PRH1: variants seen among roughly 807,000 people sequenced by gnomAD.
PRH1 encodes the protein salivary acidic proline-rich phosphoprotein 1/2.
A neutral mutation model predicts 7.9 loss-of-function variants in PRH1; 7 were observed. The observed-to-expected ratio is 0.89, with a 90% CI of 0.50 to 1.67. The LOEUF is 1.67. Ranked by LOEUF, PRH1 falls within the 40% of genes most tolerant of loss-of-function variation. The probability of loss-of-function intolerance (pLI) is 0.00; values close to 1 mark genes in which losing one functional copy is unlikely to be tolerated. For missense variants in PRH1, 109 were observed against 223.6 expected, an observed-to-expected ratio of 0.49 and a Z score of 3.27; for synonymous variants, 45 against 80.8, an observed-to-expected ratio of 0.56 and a Z score of 2.38.
At chr12:10,951,309 A>G (rs1937656441) in intron 2 of PRH1, among the ~76,000 whole-genome samples, 1 of 152,166 alleles carries the variant, frequency 6.6e-6, no homozygotes, top group South Asian at 2.1e-4. Flanking sequence ...TTTTAAACCC[A>G]ATACATAGAT....
At chr12:11,063,489 C>T (rs995315634) in intron 1 of PRH1, among the ~76,000 whole-genome samples, 1 of 152,110 alleles carries the variant, frequency 6.6e-6, no homozygotes, top group Non-Finnish European at 1.5e-5. Context: ...ACTCTAACTA[C>T]TACCAAGATT....
At chr12:11,098,713 A>G (rs1287359838) in intron 1 of PRH1, among the ~76,000 whole-genome samples, 6 of 152,238 alleles carry the variant, frequency 3.9e-5, no homozygotes, top group Non-Finnish European at 2.9e-5. Flanking sequence ...TGCTTTTATC[A>G]AAAGCATCTA....
chr12:10,932,456 C>T (rs1950227749), intron 2 of PRH1: 2 of 189,690 alleles, frequency 1.1e-5, no homozygotes, highest in Non-Finnish European at 2.3e-5. Context: ...CTTATTAAGT[C>T]ATCTGCCTGG....
chr12:11,059,160 T>C (rs527831005), intron 1 of PRH1, among the ~76,000 whole-genome samples: 18 of 152,256 alleles, frequency 1.2e-4, no homozygotes, highest in Admixed American at 7.2e-4. Context: ...TTCTCCATTC[T>C]CCCTCCTCTC....
intron 2 of PRH1, among the ~76,000 whole-genome samples, chr12:10,960,631 T>C (rs1257935616): frequency 1.3e-5 from 2 of 152,222 alleles, no homozygotes; most frequent in Non-Finnish European, 1.5e-5. Context: ...TTCAGTTTAA[T>C]TGGCATTTTG....
At chr12:11,071,631 C>T (rs1944074176) in intron 1 of PRH1, among the ~76,000 whole-genome samples, 1 of 152,162 alleles carries the variant, frequency 6.6e-6, no homozygotes, top group African/African-American at 2.4e-5. Flanking sequence ...GGTGTTGACT[C>T]AAAGTTTTTG....
chr12:11,123,013 T>C (rs1945964205), intron 1 of PRH1, among the ~76,000 whole-genome samples: 1 of 151,450 alleles, frequency 6.6e-6, no homozygotes, highest in Non-Finnish European at 1.5e-5. Context: ...TTCTTTGTAC[T>C]TTACGAACAA....
chr12:10,934,642 A>G (rs912817754), intron 2 of PRH1, among the ~76,000 whole-genome samples: 3 of 152,068 alleles, frequency 2.0e-5, no homozygotes, highest in Non-Finnish European at 4.4e-5. Flanking sequence ...TATAGGCTCA[A>G]TATGAAAGTA....
intron 1 of PRH1, among the ~76,000 whole-genome samples, chr12:11,124,174 C>T (rs995145464): frequency 1.2e-4 from 19 of 152,232 alleles, no homozygotes; most frequent in African/African-American, 4.3e-4. Flanking sequence ...CACAAGGAAA[C>T]TCAATGAGTA....
chr12:10,933,536 G>A (rs1179110830), intron 2 of PRH1, among the ~76,000 whole-genome samples: 1 of 151,870 alleles, frequency 6.6e-6, no homozygotes, highest in Non-Finnish European at 1.5e-5. Context: ...TGACCAAGCA[G>A]ACTTGATTCC....
At chr12:11,060,182 CTG>C (rs1368660895) in intron 1 of PRH1, among the ~76,000 whole-genome samples, 1 of 152,102 alleles carries the variant, frequency 6.6e-6, no homozygotes, top group African/African-American at 2.4e-5. Flanking sequence ...GTGAACAAGA[CTG>C]TACATTTCCA....
intron 1 of PRH1, among the ~76,000 whole-genome samples, chr12:11,158,032 G>A (rs1306750612): frequency 1.3e-5 from 2 of 152,116 alleles, no homozygotes; most frequent in South Asian, 4.1e-4. Context: ...ACTTCATGAA[G>A]ACTAATATAA....
chr12:11,000,891 G>A (rs944903748), intron 1 of PRH1, among the ~76,000 whole-genome samples: 19 of 152,060 alleles, frequency 1.2e-4, no homozygotes, highest in Non-Finnish European at 2.5e-4. Context: ...TTTAGTAGCA[G>A]AAATTATATT....
intron 2 of PRH1, chr12:10,930,198 C>T (rs1950183210): frequency 9.7e-6 from 15 of 1,548,162 alleles, no homozygotes; most frequent in Non-Finnish European, 1.2e-5. Flanking sequence ...GTCCTTTATC[C>T]TCGTAGAACA....
At chr12:10,991,445 C>T (rs977322074) in intron 1 of PRH1, among the ~76,000 whole-genome samples, 1 of 152,022 alleles carries the variant, frequency 6.6e-6, no homozygotes, top group Admixed American at 6.6e-5. Flanking sequence ...TATCTGGTCA[C>T]CATCACTCTG....
chr12:11,071,247 A>C (rs1310701327), intron 1 of PRH1, among the ~76,000 whole-genome samples: 1 of 151,650 alleles, frequency 6.6e-6, no homozygotes, highest in South Asian at 2.1e-4. Context: ...GAATTACCTA[A>C]GGACTTTCAT....
At chr12:11,152,657 T>C (rs1947135157) in intron 1 of PRH1, among the ~76,000 whole-genome samples, 1 of 152,230 alleles carries the variant, frequency 6.6e-6, no homozygotes, top group Admixed American at 6.5e-5. Flanking sequence ...TTCCCTTTAA[T>C]AGTATTACTC....
At chr12:11,071,301 T>C (rs1450471468) in intron 1 of PRH1, among the ~76,000 whole-genome samples, 1 of 151,792 alleles carries the variant, frequency 6.6e-6, no homozygotes, top group African/African-American at 2.4e-5. Flanking sequence ...TGGCCACTTT[T>C]ATAATGTATT....
chr12:10,985,878 C>A, intron 1 of PRH1: 3 of 1,340,738 alleles, frequency 2.2e-6, no homozygotes, highest in Non-Finnish European at 3.1e-6. Context: ...ATGTTCCAGA[C>A]ACTATCAGTT....
Sources: allele counts gnomAD v4.1 joint callset (sites outside exome capture counted in the v4.1 genomes callset), GRCh38; gene constraint gnomAD v4.1.1; transcripts MANE v1.5; gene names NCBI Gene and HGNC (gene_info 2026-07-23, HGNC 2026-07-21).